STARD13: variants seen among roughly 807,000 people sequenced by gnomAD.
STARD13 encodes the protein StAR related lipid transfer domain containing 13.
In STARD13, 62 loss-of-function variants were observed where a neutral mutation model predicts 106.4. That is an observed-to-expected ratio of 0.58 (90% CI 0.48 to 0.72). STARD13 has a LOEUF of 0.72. STARD13 is among the 30% of genes least tolerant of loss of function. The pLI, the probability that STARD13 is intolerant of heterozygous loss-of-function variation, is 0.00. For synonymous variants in STARD13, 565 were observed against 553.0 expected, an observed-to-expected ratio of 1.02 and a Z score of -0.31; for missense variants, 1,387 against 1,424.0, an observed-to-expected ratio of 0.97 and a Z score of 0.42.
chr13:33,233,755 C>G (rs1311288516), intron 1 of STARD13, among the ~76,000 whole-genome samples: 1 of 10,260 alleles, frequency 9.7e-5, no homozygotes, highest in African/African-American at 4.6e-4. Context: ...CACTGTAACA[C>G]CCCCTCTGGG....
chr13:33,195,545 C>A (rs370599432), intron 1 of STARD13, among the ~76,000 whole-genome samples: 2 of 152,178 alleles, frequency 1.3e-5, no homozygotes, highest in South Asian at 4.1e-4. Flanking sequence ...GATACCATAG[C>A]AACCAGATTT....
intron 4 of STARD13, among the ~76,000 whole-genome samples, chr13:33,141,301 G>A (rs1433562865): frequency 2.6e-5 from 4 of 152,196 alleles, no homozygotes; most frequent in Middle Eastern, 6.4e-3. Context: ...CTGCAAGATC[G>A]TGGGCAATGA....
At chr13:33,194,841 A>G (rs189033294) in intron 1 of STARD13, among the ~76,000 whole-genome samples, 2 of 152,374 alleles carry the variant, frequency 1.3e-5, no homozygotes, top group Non-Finnish European at 2.9e-5. Context: ...TAAAATGACC[A>G]CAGCTACCAT....
At chr13:33,528,243 C>CATATATATATAT in the STARD13 span, among the ~76,000 whole-genome samples, 10 of 93,478 alleles carry the variant, frequency 1.1e-4, no homozygotes, top group African/African-American at 6.2e-4. Flanking sequence ...TATATATATA[C>CATATATATATAT]ATATATATAT....
intron 1 of STARD13, among the ~76,000 whole-genome samples, chr13:33,224,934 A>G (rs1257044183): frequency 2.0e-5 from 3 of 152,204 alleles, no homozygotes; most frequent in African/African-American, 2.4e-5. Flanking sequence ...CTTTTCAGGA[A>G]CAAATGACAG....
At chr13:33,435,036 C>T in the STARD13 span, among the ~76,000 whole-genome samples, 3 of 152,126 alleles carry the variant, frequency 2.0e-5, no homozygotes, top group East Asian at 1.9e-4. Flanking sequence ...CTAGAGTGAG[C>T]AGAGAAGGAT....
At chr13:33,597,415 A>G in the STARD13 span, among the ~76,000 whole-genome samples, 2 of 151,736 alleles carry the variant, frequency 1.3e-5, no homozygotes, top group Non-Finnish European at 2.9e-5. Flanking sequence ...TTCAACATCT[A>G]TATTATTACT....
chr13:33,380,405 A>ATTCTGTCTC, the STARD13 span, among the ~76,000 whole-genome samples: 1 of 135,126 alleles, frequency 7.4e-6, no homozygotes, highest in Non-Finnish European at 1.6e-5. Flanking sequence ...ACTGAGCGGG[A>ATTCTGTCTC]TTCTGTCTCA....
chr13:33,348,626 C>A (rs1181035579), exon 2 of STARD13: 1 of 153,842 alleles, frequency 6.5e-6, no homozygotes, highest in Non-Finnish European at 1.4e-5. Context: ...TATGAAGCAA[C>A]AAAAGTTTAC....
At chr13:33,126,645 A>G (rs1877213853) in intron 6 of STARD13, among the ~76,000 whole-genome samples, 1 of 152,236 alleles carries the variant, frequency 6.6e-6, no homozygotes, top group African/African-American at 2.4e-5. Flanking sequence ...AAGAAGAACA[A>G]TATTTCTTGG....
chr13:33,588,707 A>T, the STARD13 span, among the ~76,000 whole-genome samples: 1 of 152,214 alleles, frequency 6.6e-6, no homozygotes, highest in East Asian at 1.9e-4. Context: ...GTCCAACAGG[A>T]TTTAAGAAAC....
the STARD13 span, chr13:33,661,187 TA>T: frequency 1.3e-5 from 2 of 152,214 alleles, no homozygotes; most frequent in African/African-American, 4.8e-5. Context: ...CTTATCATGA[TA>T]GGGGCTGAAC....
the STARD13 span, among the ~76,000 whole-genome samples, chr13:33,458,279 T>TC: frequency 2.9e-5 from 3 of 102,260 alleles, no homozygotes; most frequent in East Asian, 9.5e-4. Context: ...TTTTTGTTGT[T>TC]TTTTTTTTTT....
the STARD13 span, among the ~76,000 whole-genome samples, chr13:33,450,430 G>A: frequency 6.6e-6 from 1 of 152,040 alleles, no homozygotes; most frequent in Non-Finnish European, 1.5e-5. Context: ...CTTGATTATG[G>A]TGAATGATAT....
intron 8 of STARD13, among the ~76,000 whole-genome samples, chr13:33,115,701 C>G (rs879755295): frequency 2.6e-5 from 4 of 152,148 alleles, no homozygotes; most frequent in Non-Finnish European, 4.4e-5. Flanking sequence ...AAGCTGTAAA[C>G]CACTTCTGCC....
chr13:33,574,913 C>CTTT, the STARD13 span, among the ~76,000 whole-genome samples: 249 of 117,530 alleles, frequency 2.1e-3, 4 homozygotes, highest in East Asian at 9.1e-3. Flanking sequence ...TATGCATCTA[C>CTTT]TTTTTTTTTT....
intron 4 of STARD13, 83 bp downstream of exon 4, chr13:33,142,227 G>A (rs770554626): frequency 9.8e-7 from 1 of 1,020,860 alleles, no homozygotes; most frequent in Non-Finnish European, 1.5e-6. Flanking sequence ...AGACACAAGG[G>A]TCTCACTATG....
the STARD13 span, among the ~76,000 whole-genome samples, chr13:33,598,087 T>TATTTTTTTTCC: frequency 1.3e-5 from 2 of 152,192 alleles, no homozygotes; most frequent in African/African-American, 4.8e-5. Context: ...ATTCCTGACA[T>TATTTTTTTTCC]AGCCATCAAG....
At chr13:33,206,366 A>AACACACACACACACAC (rs59306930) in intron 1 of STARD13, among the ~76,000 whole-genome samples, 2,321 of 149,528 alleles carry the variant, frequency 0.016, 28 homozygotes, top group Non-Finnish European at 0.026. Context: ...CCATGACTGA[A>AACACACACACACACAC]ACACACACAC....
Sources: allele counts gnomAD v4.1 joint callset (sites outside exome capture counted in the v4.1 genomes callset), GRCh38; gene constraint gnomAD v4.1.1; transcripts MANE v1.5; gene names NCBI Gene and HGNC (gene_info 2026-07-23, HGNC 2026-07-21).